FGD6: variants seen among roughly 807,000 people sequenced by gnomAD.
FGD6 encodes the protein FYVE, RhoGEF and PH domain-containing protein 6.
In FGD6, 90 loss-of-function variants were observed where a neutral mutation model predicts 149.4. The observed-to-expected ratio is 0.60, with a 90% CI of 0.51 to 0.72. The LOEUF is 0.72. Among genes scored for constraint, FGD6 ranks in the 30% least tolerant of loss-of-function variants. The pLI is 0.00. For missense variants in FGD6, 1,437 were observed against 1,684.8 expected, an observed-to-expected ratio of 0.85 and a Z score of 2.57; for synonymous variants, 527 against 584.0, an observed-to-expected ratio of 0.90 and a Z score of 1.41.
At chr12:95,134,640 G>T in intron 8 of FGD6, 99 bp downstream of exon 8, 1 of 960,796 alleles carries the variant, frequency 1.0e-6, no homozygotes. Context: ...GGTGACGGGG[G>T]TGATATACAA....
chr12:95,106,509 C>T (rs1878630177), intron 13 of FGD6, among the ~76,000 whole-genome samples: 1 of 151,404 alleles, frequency 6.6e-6, no homozygotes, highest in Non-Finnish European at 1.5e-5. Flanking sequence ...TGATCTCAAA[C>T]TCCTGACCTT....
intron 14 of FGD6, among the ~76,000 whole-genome samples, chr12:95,102,269 C>T (rs866187548): frequency 1.3e-5 from 2 of 151,662 alleles, no homozygotes; most frequent in African/African-American, 4.8e-5. Flanking sequence ...CATGGTGAAA[C>T]CCTGTCTCTA....
Position 95,107,577 on chromosome 12 carries a change from G to C in FGD6, c.3319C>G (p.Arg1107Gly), listed in dbSNP as rs1420115796. 1 of 1,613,974 alleles carries C rather than the reference G, an allele frequency of 6.2e-7. No individual in the cohort carries two copies. The highest frequency in any genetic ancestry group is 1.7e-5 in the Admixed American group (1 of 59,992). Residue 1107 changes from arginine (R) to glycine (G), a missense_variant, in exon 12 of 21, where the codon CGA (arginine) becomes GGA (glycine). This residue lies in a region of FGD6 where 382 missense variants were observed against 538.7 expected (regional missense o/e 0.71). Coordinates refer to ENST00000343958, the MANE Select transcript of FGD6 (RefSeq NM_018351.4). ...AGTCCTCTTACCAGGAAAAACATTCGAGGTTGCATCACTTTCCGAGACAGC... is the reference window on the plus strand; with the variant it reads ...AGTCCTCTTACCAGGAAAAACATTCCAGGTTGCATCACTTTCCGAGACAGC... ...MKLSRKVMQP[R>G]MFFLFNDALL... is the part of the protein sequence containing the mutation.
At chr12:95,163,205 G>A (rs1880697622) in intron 3 of FGD6, among the ~76,000 whole-genome samples, 2 of 152,192 alleles carry the variant, frequency 1.3e-5, no homozygotes, top group South Asian at 2.1e-4. Flanking sequence ...CCACCACGCT[G>A]CAACTCCAGC....
At chr12:95,211,695 A>C (rs1024887414) in intron 1 of FGD6, among the ~76,000 whole-genome samples, 1 of 151,978 alleles carries the variant, frequency 6.6e-6, no homozygotes, top group Non-Finnish European at 1.5e-5. Context: ...GCGCACCACC[A>C]CATCCGGCTA....
At chr12:95,087,626 C>T (rs903524357) in intron 18 of FGD6, among the ~76,000 whole-genome samples, 15 of 152,264 alleles carry the variant, frequency 9.9e-5, no homozygotes, top group African/African-American at 3.4e-4. Context: ...CCCAGCTAAC[C>T]CATGCCTGGA....
chr12:95,119,652 C>A (rs1277944469), intron 8 of FGD6, among the ~76,000 whole-genome samples: 1 of 152,200 alleles, frequency 6.6e-6, no homozygotes, highest in Admixed American at 6.5e-5. Flanking sequence ...GCACTGTCGG[C>A]TGGTGTGGTG....
At chr12:95,104,443 A>T (rs6538589) in intron 14 of FGD6, among the ~76,000 whole-genome samples, 95,344 of 150,658 alleles carry the variant, frequency 0.63, 30,294 homozygotes, top group East Asian at 0.68. Flanking sequence ...TAAAAAAAAA[A>T]TTTTTTTTTT....
chr12:95,146,827 T>G (rs563030603), intron 5 of FGD6, among the ~76,000 whole-genome samples: 8 of 152,150 alleles, frequency 5.3e-5, no homozygotes, highest in African/African-American at 9.7e-5. Flanking sequence ...TTTTGAGATA[T>G]TAACATACCA....
intron 20 of FGD6, among the ~76,000 whole-genome samples, chr12:95,083,144 T>C (rs1033072647): frequency 1.1e-4 from 16 of 150,148 alleles, no homozygotes; most frequent in African/African-American, 3.7e-4. Flanking sequence ...CAGATTCAGT[T>C]CAAATTTTAA....
chr12:95,180,109 C>T (rs1881239266), intron 2 of FGD6, among the ~76,000 whole-genome samples: 2 of 149,830 alleles, frequency 1.3e-5, no homozygotes, highest in Admixed American at 1.3e-4. Flanking sequence ...TAGATCTATG[C>T]ACAGTGGCAT....
intron 20 of FGD6, among the ~76,000 whole-genome samples, chr12:95,082,684 A>G (rs1877718742): frequency 6.6e-6 from 1 of 150,396 alleles, no homozygotes; most frequent in Non-Finnish European, 1.5e-5. Context: ...GAGCTTCTCA[A>G]AGTTTCACAG....
chr12:95,211,526 T>C (rs2056727490), intron 1 of FGD6, among the ~76,000 whole-genome samples: 1 of 135,008 alleles, frequency 7.4e-6, no homozygotes, highest in African/African-American at 2.8e-5. Flanking sequence ...TTACCATATC[T>C]TTTTTTCTTT....
intron 5 of FGD6, among the ~76,000 whole-genome samples, chr12:95,145,501 T>G (rs769188766): frequency 2.0e-5 from 3 of 152,134 alleles, no homozygotes; most frequent in Non-Finnish European, 4.4e-5. Flanking sequence ...AGAATCCTCT[T>G]AAGTTGGTTT....
At chr12:95,100,245 C>T (rs982428884) in intron 14 of FGD6, among the ~76,000 whole-genome samples, 2 of 152,156 alleles carry the variant, frequency 1.3e-5, no homozygotes, top group Non-Finnish European at 1.5e-5. Flanking sequence ...TTGCACACCC[C>T]CAGCTCCTGG....
rs570280040 is a variant in FGD6, at chr12:95,077,814, A to C, written c.*3706T>G. On this transcript the variant is annotated 3_prime_UTR_variant, in exon 21 of 21. Coordinates refer to ENST00000343958, the MANE Select transcript of FGD6 (RefSeq NM_018351.4). The stretch of plus-strand genomic sequence containing the variant: ...TCAAATGGTATCTTTCTCTTACAGA[A>C]GAAAATAAACAGATTTGAATGGGAA... 6.6e-6 allele frequency: 1 copy of C among 152,340 alleles called. No homozygotes were observed. The highest frequency in any genetic ancestry group is 2.1e-4 in the South Asian group (1 of 4,824). The allele number at this position is 152,340 out of a possible 1,614,324, so 9.4% of individuals were successfully genotyped here.
chr12:95,145,831 G>A (rs1014872556), intron 5 of FGD6, among the ~76,000 whole-genome samples: 8 of 151,970 alleles, frequency 5.3e-5, no homozygotes, highest in African/African-American at 1.9e-4. Context: ...ATGCCACCAC[G>A]CCCAGCTAAT....
intron 2 of FGD6, among the ~76,000 whole-genome samples, chr12:95,179,971 G>A (rs994411039): frequency 1.3e-5 from 2 of 151,826 alleles, no homozygotes; most frequent in East Asian, 1.9e-4. Flanking sequence ...CCAGCTACAC[G>A]GGAGGCTGAG....
chr12:95,180,631 C>T (rs1881256385), intron 2 of FGD6, among the ~76,000 whole-genome samples: 1 of 151,980 alleles, frequency 6.6e-6, no homozygotes, highest in Admixed American at 6.6e-5. Context: ...CTCCTAGGCT[C>T]AAGTGATCTG....
Sources: allele counts gnomAD v4.1 joint callset (sites outside exome capture counted in the v4.1 genomes callset), GRCh38; gene constraint gnomAD v4.1.1; regional missense constraint gnomAD v4.1.1; transcripts MANE v1.5; gene names NCBI Gene and HGNC (gene_info 2026-07-23, HGNC 2026-07-21).